Variants in SLC26A4 observed in about 807,000 individuals in gnomAD.
The protein encoded by SLC26A4 is pendrin.
SLC26A4 carries 93 observed loss-of-function variants against 90.4 expected under a neutral mutation model. The ratio of observed to expected loss-of-function variants is 1.03; its 90% CI spans 0.87 to 1.22. The LOEUF (loss-of-function observed/expected upper bound fraction) is 1.22. Ranked by LOEUF, SLC26A4 falls within the 50% of genes most tolerant of loss-of-function variation. The pLI is 0.00. For synonymous variants in SLC26A4, 393 were observed against 354.6 expected, an observed-to-expected ratio of 1.11 and a Z score of -1.22; for missense variants, 1,127 against 946.2, an observed-to-expected ratio of 1.19 and a Z score of -2.51.
rs1255035151 is a variant in SLC26A4 at position 107,694,394 on chromosome 7, G to A, written c.1264-9G>A. 1 of 1,610,970 alleles carries A rather than the reference G, an allele frequency of 6.2e-7. No homozygotes were observed. The highest frequency in any genetic ancestry group is 1.7e-5 in the Admixed American group (1 of 59,964). On this transcript the variant is annotated splice_polypyrimidine_tract_variant and intron_variant, in intron 10 of 20. Coordinates refer to ENST00000644269, the MANE Select transcript of SLC26A4 (RefSeq NM_000441.2). ...CGAATCCTTTTCATAGGAGGTGTGTGTCTTCCAGGTTGCTGGCATCATCTC... is the reference window on the plus strand; with the variant it reads ...CGAATCCTTTTCATAGGAGGTGTGTATCTTCCAGGTTGCTGGCATCATCTC...
intron 3 of SLC26A4, among the ~76,000 whole-genome samples, chr7:107,670,875 T>A (rs1790847502): frequency 6.6e-6 from 1 of 152,210 alleles, no homozygotes. Flanking sequence ...AACCCTCATG[T>A]AAACTAGAAT....
intron 8 of SLC26A4, among the ~76,000 whole-genome samples, chr7:107,687,969 G>C (rs891439836): frequency 9.2e-5 from 14 of 152,152 alleles, no homozygotes; most frequent in African/African-American, 3.4e-4. Flanking sequence ...AAGGAGAAAA[G>C]GAGTCTGAAA....
intron 14 of SLC26A4, among the ~76,000 whole-genome samples, chr7:107,699,067 T>C (rs545750225): frequency 6.6e-6 from 1 of 152,354 alleles, no homozygotes; most frequent in Admixed American, 6.5e-5. Flanking sequence ...AACTGGGATT[T>C]CAGTAGCTGC....
intron 10 of SLC26A4, among the ~76,000 whole-genome samples, chr7:107,692,492 T>G (rs574992411): frequency 6.6e-6 from 1 of 152,352 alleles, no homozygotes; most frequent in East Asian, 1.9e-4. Flanking sequence ...AAATGCTCAT[T>G]GTTTCACTCC....
rs1416486160 is a variant in SLC26A4, at chr7:107,711,082, G to A, written c.2235+883G>A. 2.0e-5 allele frequency among the ~76,000 whole-genome samples: 3 copies of A among 150,352 alleles called. No homozygotes were observed. The Admixed American group carries it at 2.0e-4, about 10-fold the overall frequency. On this transcript the variant is annotated intron_variant, in intron 19 of 20. Transcript: ENST00000644269. ...TTTAGGCACTGGTAGTGGAGAGATT[G>A]TTCTATTTGATGTTCCTTGGTAAAA...
At chr7:107,697,963 T>C (rs1791784921) in intron 13 of SLC26A4, 79 bp from the exon 14 acceptor site, 3 of 865,252 alleles carry the variant, frequency 3.5e-6, no homozygotes, top group Non-Finnish European at 6.0e-6. Context: ...ATGGGCTCTT[T>C]AGTAGCTGTT....
Position 107,672,267 on chromosome 7 carries a change from T to A in SLC26A4, c.415+19T>A, listed in dbSNP as rs528712722. 1.4e-6 allele frequency: 2 copies of A among 1,456,986 alleles called. No individual in the cohort carries two copies. The highest frequency in any genetic ancestry group is 2.3e-5 in the South Asian group (2 of 87,870). 90.3% of individuals were successfully genotyped at this position (1,456,986 alleles called of 1,614,324 possible). ...TCAGTTGGTAATTATAAGTATATTT[T>A]ACAATTATATTTGCTCATGTTTAAA... On this transcript the variant is annotated intron_variant, in intron 4 of 20. Transcript: ENST00000644269.
intron 3 of SLC26A4, among the ~76,000 whole-genome samples, chr7:107,670,459 T>G (rs892707840): frequency 2.0e-5 from 3 of 152,096 alleles, no homozygotes; most frequent in African/African-American, 4.8e-5. Context: ...GGGAGTGTAT[T>G]TTTTACAAAA....
chr7:107,672,095 T>C lies in SLC26A4; in HGVS notation c.305-43T>C, dbSNP rs375735166. On this transcript the variant is annotated intron_variant, in intron 3 of 20. Transcript: ENST00000644269. ...TAAGTTGAGGACTTTCTGCATACTGTAACTTTGGTTTGTGAATGTAATCAC... is the reference window on the plus strand; with the variant it reads ...TAAGTTGAGGACTTTCTGCATACTGCAACTTTGGTTTGTGAATGTAATCAC... The C allele has an allele frequency of 1.3e-4, 167 of 1,243,240 alleles. 2 individuals carry two copies. Among genetic ancestry groups the C allele is most frequent in the Admixed American group, 1.8e-4 (11 of 59,530 alleles). 77.0% of individuals were successfully genotyped at this position (1,243,240 alleles called of 1,614,324 possible).
intron 8 of SLC26A4, among the ~76,000 whole-genome samples, chr7:107,688,820 T>A (rs982899106): frequency 1.3e-5 from 2 of 152,230 alleles, no homozygotes; most frequent in African/African-American, 2.4e-5. Context: ...AGAGTCAGCA[T>A]GGCTAGGCTC....
At chr7:107,685,384 C>G (rs1362219752) in intron 8 of SLC26A4, among the ~76,000 whole-genome samples, 1 of 152,066 alleles carries the variant, frequency 6.6e-6, no homozygotes, top group Non-Finnish European at 1.5e-5. Flanking sequence ...TTTAAAGTGG[C>G]CCTGAGGTGA....
chr7:107,716,969 T>G lies in SLC26A4; in HGVS notation c.*1523T>G, dbSNP rs113590608. Reference sequence around the variant, plus strand: ...ATACAAATGGGTTAATCCTGAATTCTGGTTGTAAATCTGGTTACAGCATAA... The same window carrying G: ...ATACAAATGGGTTAATCCTGAATTCGGGTTGTAAATCTGGTTACAGCATAA... On this transcript the variant is annotated 3_prime_UTR_variant, in exon 21 of 21. Transcript: ENST00000644269. The G allele has an allele frequency of 2.0e-5, 3 of 152,362 alleles. No individual in the cohort carries two copies. Among genetic ancestry groups the G allele is most frequent in the African/African-American group, 7.2e-5 (3 of 41,586 alleles). The allele number at this position is 152,362 out of a possible 1,614,324, so 9.4% of individuals were successfully genotyped here. A position where few individuals can be genotyped will look rare whatever the true frequency, so the allele number is the denominator to read the frequency against.
rs1035397261 is a variant in SLC26A4 at position 107,694,440 on chromosome 7, C to A, written c.1301C>A (p.Ala434Asp). The change falls in exon 11 of 21, where the codon GCC (alanine) becomes GAC (aspartate). Residue 434 changes from alanine to aspartate, a missense_variant. Physicochemically the swap from Ala to Asp is moderately radical, Grantham distance 126. Transcript: ENST00000644269. ...ATCTCTGCTGCGATTGTGATGATCG[C>A]CATTCTTGCCCTGGGGAAGCTTCTG... ...GIISAAIVMI[A>D]ILALGKLLEP... is the part of the protein sequence containing the mutation. 16 of 1,613,598 alleles carry A rather than the reference C, an allele frequency of 9.9e-6. No individual in the cohort carries two copies. Among genetic ancestry groups the A allele is most frequent in the Non-Finnish European group, 1.4e-5 (16 of 1,179,740 alleles).
chr7:107,678,363 C>T (rs1262692008), intron 6 of SLC26A4, among the ~76,000 whole-genome samples: 1 of 151,706 alleles, frequency 6.6e-6, no homozygotes, highest in East Asian at 1.9e-4. Context: ...GCAAACATTG[C>T]TAGGCCTTCA....
intron 4 of SLC26A4, among the ~76,000 whole-genome samples, chr7:107,673,435 A>T (rs2129311574): frequency 6.6e-6 from 1 of 152,280 alleles, no homozygotes; most frequent in Non-Finnish European, 1.5e-5. Flanking sequence ...AGGTACTCAG[A>T]TCCACAGAGA....
intron 3 of SLC26A4, among the ~76,000 whole-genome samples, chr7:107,667,105 G>C (rs1297593671): frequency 6.6e-6 from 1 of 152,158 alleles, no homozygotes; most frequent in East Asian, 1.9e-4. Context: ...GCAGGTTTGG[G>C]ATAGGAAATC....
At position 107,715,814 on chromosome 7, in the gene SLC26A4, G is replaced by T. The variant is rs1248525243; in HGVS notation, c.*368G>T. On this transcript the variant is annotated 3_prime_UTR_variant, in exon 21 of 21. Transcript: ENST00000644269. ...CGAGTCACGAATGATTAATCATAAA[G>T]AAAAATCAGTTTTTGACTGACCTGG... is the stretch of plus-strand genomic sequence containing the variant. 7.2e-6 allele frequency: 2 copies of T among 276,624 alleles called. No homozygotes were observed. The highest frequency in any genetic ancestry group is 1.4e-5 in the Non-Finnish European group (2 of 144,250). 17.1% of individuals were successfully genotyped at this position (276,624 alleles called of 1,614,324 possible).
intron 5 of SLC26A4, 59 bp from the exon 6 acceptor site, chr7:107,674,886 G>A (rs1350982432): frequency 1.3e-6 from 2 of 1,510,384 alleles, no homozygotes; most frequent in Non-Finnish European, 1.8e-6. Context: ...AATATTTCCA[G>A]AGAGTAGGTT....
intron 17 of SLC26A4, 114 bp downstream of exon 17, chr7:107,702,171 G>A: frequency 1.3e-6 from 1 of 744,208 alleles, no homozygotes; most frequent in Non-Finnish European, 2.4e-6. Flanking sequence ...TTTTCTAGGT[G>A]AATGCTTTTG....
Sources: gnomAD v4.1 joint callset for allele counts (sites outside exome capture counted in the v4.1 genomes callset) on GRCh38, gnomAD v4.1.1 for gene constraint, MANE v1.5 for transcripts, NCBI Gene and HGNC (gene_info 2026-07-23, HGNC 2026-07-21) for gene names.